The following TAFA2 variants were observed in gnomAD, a reference collection of about 807,000 sequenced individuals.
The protein encoded by TAFA2 is TAFA chemokine like family member 2.
Under a neutral mutation model 18.8 loss-of-function variants are expected in TAFA2, and 7 were observed. That is an observed-to-expected ratio of 0.37 (90% CI 0.21 to 0.70). The LOEUF (loss-of-function observed/expected upper bound fraction) is 0.70, where lower values mean the gene tolerates loss of function less well. Among genes scored for constraint, TAFA2 ranks in the 30% least tolerant of loss-of-function variants. The pLI, the probability that TAFA2 is intolerant of heterozygous loss-of-function variation, is 0.53. For missense variants in TAFA2, 122 were observed against 158.1 expected, an observed-to-expected ratio of 0.77 and a Z score of 1.23; for synonymous variants, 60 against 54.2, an observed-to-expected ratio of 1.11 and a Z score of -0.47.
intron 2 of TAFA2, among the ~76,000 whole-genome samples, chr12:61,784,345 C>A (rs979189615): frequency 6.6e-6 from 1 of 151,344 alleles, no homozygotes; most frequent in African/African-American, 2.4e-5. Flanking sequence ...CATAGTACTG[C>A]CAAACACATC....
intron 2 of TAFA2, among the ~76,000 whole-genome samples, chr12:61,771,129 C>G (rs1018955471): frequency 2.0e-5 from 3 of 151,884 alleles, no homozygotes; most frequent in African/African-American, 7.2e-5. Context: ...TGTAAATCAA[C>G]AAATGTTTAA....
At chr12:62,119,919 C>T (rs541200469) in intron 1 of TAFA2, among the ~76,000 whole-genome samples, 2 of 151,926 alleles carry the variant, frequency 1.3e-5, no homozygotes, top group South Asian at 2.1e-4. Context: ...ACTAGAAATA[C>T]AAAATTAGCT....
intron 1 of TAFA2, among the ~76,000 whole-genome samples, chr12:62,004,090 T>G (rs755998557): frequency 1.3e-5 from 2 of 152,094 alleles, no homozygotes; most frequent in African/African-American, 2.4e-5. Flanking sequence ...TATAAATGAA[T>G]AGCAGTGACT....
At chr12:61,761,807 T>C (rs902638241) in intron 2 of TAFA2, among the ~76,000 whole-genome samples, 5 of 151,964 alleles carry the variant, frequency 3.3e-5, no homozygotes, top group African/African-American at 1.2e-4. Flanking sequence ...CCTGATATGG[T>C]TTATATCTGT....
chr12:62,126,778 T>C lies in TAFA2; in HGVS notation c.-2+64481A>G, dbSNP rs181274006. Reference sequence around the variant, plus strand: ...ACAGAAGGACAGAACCTTGGGGACTTTACAGGCCAGGTATAAACTTACTTC... The same window carrying C: ...ACAGAAGGACAGAACCTTGGGGACTCTACAGGCCAGGTATAAACTTACTTC... On this transcript the variant is annotated intron_variant, in intron 1 of 4. Transcript: ENST00000416284. Among the ~76,000 whole-genome samples the C allele has an allele frequency of 1.6e-4, 24 of 152,218 alleles. No individual in the cohort carries two copies. The East Asian group carries it at 4.5e-3, about 28-fold the overall frequency.
intron 1 of TAFA2, chr12:61,880,672 G>T: frequency 2.8e-6 from 1 of 354,544 alleles, no homozygotes; most frequent in Non-Finnish European, 5.5e-6. Flanking sequence ...GCAGGCTCCA[G>T]CTACTTCAGC....
At chr12:61,877,918 T>TACACAC (rs796244007) in intron 1 of TAFA2, among the ~76,000 whole-genome samples, 22,925 of 78,244 alleles carry the variant, frequency 0.29, 1,938 homozygotes, top group South Asian at 0.43. Context: ...TATATATATA[T>TACACAC]ATATATACAC....
In TAFA2 at chr12:62,225,825, C is replaced by T. The variant is rs1203195440; in HGVS notation, c.-130+32938G>A. ...GGATCAGAAAGTTTAATAACACATT[C>T]TTGGCAAAAGCATAGAGAAACAGGC... On this transcript the variant is annotated intron_variant, in intron 1 of 5. Transcript: ENST00000551619. Among the ~76,000 whole-genome samples, 4 of 152,148 alleles carry T rather than the reference C, an allele frequency of 2.6e-5. No individual in the cohort carries two copies. In the East Asian group the frequency reaches 7.7e-4, roughly 29 times the overall value.
At chr12:62,034,054 G>C (rs576489706) in intron 1 of TAFA2, among the ~76,000 whole-genome samples, 2 of 152,284 alleles carry the variant, frequency 1.3e-5, no homozygotes, top group African/African-American at 2.4e-5. Flanking sequence ...GAGAGAAAGA[G>C]GTTGGGGGAA....
intron 1 of TAFA2, chr12:61,880,231 A>G (rs980170796): frequency 4.9e-5 from 24 of 491,340 alleles, no homozygotes; most frequent in Non-Finnish European, 9.0e-5. Context: ...TGAGGTGTAC[A>G]AAGACTGACA....
chr12:62,033,791 T>C (rs1405205545), intron 1 of TAFA2, among the ~76,000 whole-genome samples: 2 of 152,182 alleles, frequency 1.3e-5, no homozygotes, highest in Non-Finnish European at 2.9e-5. Context: ...ATTATAGCTA[T>C]GTTCTCTGGT....
chr12:62,223,044 C>G (rs2062770581), intron 1 of TAFA2, among the ~76,000 whole-genome samples: 1 of 152,048 alleles, frequency 6.6e-6, no homozygotes. Context: ...AAACCATGTT[C>G]TTGATTAGAA....
intron 1 of TAFA2, among the ~76,000 whole-genome samples, chr12:62,199,383 CT>C (rs907828482): frequency 9.9e-5 from 15 of 152,258 alleles, no homozygotes; most frequent in Admixed American, 9.8e-4. Flanking sequence ...CATCAGGCCC[CT>C]GTGTGTGTTG....
At chr12:61,819,040 T>C (rs1192369254) in intron 2 of TAFA2, among the ~76,000 whole-genome samples, 1 of 152,208 alleles carries the variant, frequency 6.6e-6, no homozygotes, top group Non-Finnish European at 1.5e-5. Context: ...CCAGCCATTA[T>C]TACTGATTAA....
At chr12:62,018,889 C>A (rs186615140) in intron 1 of TAFA2, among the ~76,000 whole-genome samples, 6 of 152,232 alleles carry the variant, frequency 3.9e-5, no homozygotes, top group Admixed American at 3.9e-4. Context: ...GAACAGGCAA[C>A]CTACAAAATG....
At chr12:62,050,982 A>G (rs113144367) in intron 1 of TAFA2, among the ~76,000 whole-genome samples, 62 of 152,336 alleles carry the variant, frequency 4.1e-4, no homozygotes, top group African/African-American at 1.4e-3. Flanking sequence ...CCCATCGCTC[A>G]GTCTCGAAGA....
At chr12:61,943,269 CA>C (rs1487275398) in intron 1 of TAFA2, among the ~76,000 whole-genome samples, 3 of 145,590 alleles carry the variant, frequency 2.1e-5, no homozygotes, top group African/African-American at 7.6e-5. Flanking sequence ...ATTTTGTCAC[CA>C]CCAGGCCTGC....
chr12:62,143,171 T>A (rs917767033), intron 1 of TAFA2, among the ~76,000 whole-genome samples: 2 of 152,282 alleles, frequency 1.3e-5, no homozygotes, highest in African/African-American at 4.8e-5. Context: ...CTGCAACATG[T>A]AGGGTTACCT....
chr12:61,895,976 T>C (rs531556131), intron 1 of TAFA2, among the ~76,000 whole-genome samples: 104 of 151,734 alleles, frequency 6.9e-4, no homozygotes, highest in South Asian at 5.2e-3. Flanking sequence ...TAAATAAGGA[T>C]TTCATGAAAC....
Sources: allele counts gnomAD v4.1 joint callset (sites outside exome capture counted in the v4.1 genomes callset), GRCh38; gene constraint gnomAD v4.1.1; transcripts MANE v1.5; gene names NCBI Gene and HGNC (gene_info 2026-07-23, HGNC 2026-07-21).